ARNT2: variants seen among roughly 807,000 people sequenced by gnomAD.
ARNT2 encodes the protein ARNT protein 2.
Under a neutral mutation model 91.7 loss-of-function variants are expected in ARNT2, and 36 were observed. The observed-to-expected ratio is 0.39, with a 90% confidence interval of 0.30 to 0.52. The LOEUF (loss-of-function observed/expected upper bound fraction) is 0.52. ARNT2 is among the 20% of genes least tolerant of loss of function. The pLI is 0.72. For missense variants in ARNT2, 775 were observed against 939.3 expected (o/e 0.83, Z 2.29); for synonymous variants, 365 against 347.1 (o/e 1.05, Z -0.57).
chr15:80,576,316 G>A (rs751177649), intron 14 of ARNT2, among the ~76,000 whole-genome samples: 10 of 151,694 alleles, frequency 6.6e-5, no homozygotes, highest in African/African-American at 1.2e-4. Context: ...TTGCTCTGTC[G>A]CCCAGGCTGG....
intron 5 of ARNT2, among the ~76,000 whole-genome samples, chr15:80,504,668 T>TGAG (rs1481798240): frequency 2.0e-5 from 3 of 151,540 alleles, no homozygotes; most frequent in African/African-American, 7.3e-5. Flanking sequence ...CTTGGGAGGC[T>TGAG]GAGGTGGGAG....
intron 3 of ARNT2, among the ~76,000 whole-genome samples, chr15:80,462,662 C>G (rs1372995333): frequency 6.6e-6 from 1 of 152,178 alleles, no homozygotes; most frequent in East Asian, 1.9e-4. Flanking sequence ...AATCCCTTAT[C>G]AAGGGGCTTC....
chr15:80,485,309 A>G (rs1182125795), intron 5 of ARNT2, among the ~76,000 whole-genome samples: 3 of 152,202 alleles, frequency 2.0e-5, no homozygotes, highest in Non-Finnish European at 4.4e-5. Flanking sequence ...GAGAGGGAAG[A>G]AAAGAGGCAC....
chr15:80,583,110 G>T (rs1898829280), intron 17 of ARNT2, among the ~76,000 whole-genome samples: 1 of 152,242 alleles, frequency 6.6e-6, no homozygotes, highest in Non-Finnish European at 1.5e-5. Flanking sequence ...ACAGTCCAGA[G>T]ACTGGGTCAG....
intron 3 of ARNT2, among the ~76,000 whole-genome samples, chr15:80,460,000 G>A (rs142872726): frequency 1.0e-3 from 159 of 152,316 alleles, no homozygotes; most frequent in Middle Eastern, 0.01. Flanking sequence ...CTGTCCAGGG[G>A]AGGAGTGGAG....
intron 15 of ARNT2, among the ~76,000 whole-genome samples, chr15:80,577,736 C>G (rs1045773956): frequency 1.3e-5 from 2 of 152,218 alleles, no homozygotes; most frequent in Admixed American, 1.3e-4. Context: ...AGAGAGAGGC[C>G]CCTGCCACGG....
chr15:80,494,339 C>T (rs749472058), intron 5 of ARNT2, among the ~76,000 whole-genome samples: 3 of 152,062 alleles, frequency 2.0e-5, no homozygotes, highest in South Asian at 2.1e-4. Flanking sequence ...AGGGAAGGCA[C>T]GACTTGAAAT....
At chr15:80,580,028 A>G (rs779017986) in intron 15 of ARNT2, 17 of 179,982 alleles carry the variant, frequency 9.4e-5, no homozygotes, top group Non-Finnish European at 2.0e-4. Context: ...AGCACAAAAG[A>G]GTGAGTGAAC....
At chr15:80,589,948 C>T (rs1008082725) in intron 17 of ARNT2, among the ~76,000 whole-genome samples, 3 of 152,164 alleles carry the variant, frequency 2.0e-5, no homozygotes, top group Admixed American at 1.3e-4. Context: ...GAATTCCTTA[C>T]CAACTATTGT....
intron 1 of ARNT2, among the ~76,000 whole-genome samples, chr15:80,430,346 CT>C (rs1218008676): frequency 1.3e-5 from 2 of 152,194 alleles, no homozygotes; most frequent in Non-Finnish European, 2.9e-5. Flanking sequence ...TTCCTCCAGA[CT>C]CCAGAGTTAG....
chr15:80,580,359 C>T (rs527681001), intron 15 of ARNT2, 52 bp from the exon 16 acceptor site: 1 of 1,608,036 alleles, frequency 6.2e-7, no homozygotes, highest in African/African-American at 1.3e-5. Flanking sequence ...GGCACGTAGA[C>T]TCATGCAAAC....
At chr15:80,517,701 A>T (rs1897463057) in intron 8 of ARNT2, among the ~76,000 whole-genome samples, 1 of 151,132 alleles carries the variant, frequency 6.6e-6, no homozygotes, top group Admixed American at 6.6e-5. Context: ...TATATCTTCA[A>T]GTTCACTGAT....
chr15:80,440,954 G>T (rs549016125), intron 1 of ARNT2, among the ~76,000 whole-genome samples: 1 of 152,352 alleles, frequency 6.6e-6, no homozygotes, highest in African/African-American at 2.4e-5. Context: ...CCCCATGGAG[G>T]CCCTTTGGGA....
chr15:80,447,034 G>A (rs1896316141), intron 1 of ARNT2, among the ~76,000 whole-genome samples: 1 of 152,130 alleles, frequency 6.6e-6, no homozygotes, highest in African/African-American at 2.4e-5. Context: ...AACAAGAAGA[G>A]CTTTTAGGAT....
chr15:80,511,044 A>T (rs1408806794), intron 6 of ARNT2, among the ~76,000 whole-genome samples: 3 of 152,178 alleles, frequency 2.0e-5, no homozygotes. Flanking sequence ...CCAAAGAACT[A>T]TAAATCATTC....
At chr15:80,485,776 C>T (rs138385905) in intron 5 of ARNT2, among the ~76,000 whole-genome samples, 5 of 152,274 alleles carry the variant, frequency 3.3e-5, no homozygotes, top group Middle Eastern at 3.4e-3. Flanking sequence ...GTGAGATGCT[C>T]ACTCTGGTGA....
intron 3 of ARNT2, among the ~76,000 whole-genome samples, chr15:80,459,575 TGAG>T (rs1219482147): frequency 6.6e-6 from 1 of 152,108 alleles, no homozygotes; most frequent in Non-Finnish European, 1.5e-5. Context: ...GGAAGAGAGA[TGAG>T]GAGTGACGTT....
intron 5 of ARNT2, among the ~76,000 whole-genome samples, chr15:80,492,706 A>ATG (rs140085189): frequency 1.3e-5 from 2 of 151,040 alleles, no homozygotes; most frequent in Non-Finnish European, 3.0e-5. Context: ...GTGAGTGTGT[A>ATG]TGTGTGTGTG....
At chr15:80,432,572 A>T (rs796466191) in intron 1 of ARNT2, among the ~76,000 whole-genome samples, 1 of 152,260 alleles carries the variant, frequency 6.6e-6, no homozygotes. Flanking sequence ...AGTAGTTGCC[A>T]CAGAGACCTT....
Sources: allele counts gnomAD v4.1 joint callset (sites outside exome capture counted in the v4.1 genomes callset), GRCh38; gene constraint gnomAD v4.1.1; transcripts MANE v1.5; gene names NCBI Gene and HGNC (gene_info 2026-07-23, HGNC 2026-07-21).